ATP2A2: variants seen among roughly 807,000 people sequenced by gnomAD.
The protein encoded by ATP2A2 is sarcoplasmic/endoplasmic reticulum calcium ATPase 2.
A neutral mutation model predicts 109.3 loss-of-function variants in ATP2A2; 14 were observed. The ratio of observed to expected loss-of-function variants is 0.13; its 90% CI spans 0.08 to 0.20. The LOEUF (loss-of-function observed/expected upper bound fraction) is 0.20, where lower values mean the gene tolerates loss of function less well. Among genes scored for constraint, ATP2A2 ranks in the 10% least tolerant of loss-of-function variants. The pLI is 1.00. For missense variants in ATP2A2, 657 were observed against 1,321.6 expected, an observed-to-expected ratio of 0.50 and a Z score of 7.80; for synonymous variants, 506 against 490.9, an observed-to-expected ratio of 1.03 and a Z score of -0.41.
At chr12:110,304,988 G>T (rs185190364) in intron 5 of ATP2A2, among the ~76,000 whole-genome samples, 6 of 151,938 alleles carry the variant, frequency 3.9e-5, no homozygotes, top group African/African-American at 1.4e-4. Context: ...GGAGTGCAGC[G>T]AGTGGCATGA....
At position 110,339,428 on chromosome 12, in the gene ATP2A2, G is replaced by C. The variant is rs374536914; in HGVS notation, c.1542+25G>C. 1.9e-6 allele frequency: 3 copies of C among 1,614,072 alleles called. No individual in the cohort carries two copies. The highest frequency in any genetic ancestry group is 2.7e-5 in the African/African-American group (2 of 74,936). On this transcript the variant is annotated intron_variant, in intron 12 of 19. Transcript: ENST00000539276. This position sits in a 1 kb window ranked among gnomAD's most constrained non-coding sequence, Gnocchi z 4.4. Reference sequence around the variant, plus strand: ...GGCAAGTATGGCAGATTGCAATTGAGATGTTCTTGCCAGGGTTAAGATCCC... The same window carrying C: ...GGCAAGTATGGCAGATTGCAATTGACATGTTCTTGCCAGGGTTAAGATCCC...
At chr12:110,344,774 A>G in intron 16 of ATP2A2, 112 bp from the exon 17 acceptor site, 1 of 1,057,720 alleles carries the variant, frequency 9.5e-7, no homozygotes, top group Non-Finnish European at 1.5e-6. Flanking sequence ...CCCGGTTACC[A>G]TCACTGTCCC....
At chr12:110,309,763 A>G (rs1875801106) in intron 5 of ATP2A2, among the ~76,000 whole-genome samples, 1 of 152,032 alleles carries the variant, frequency 6.6e-6, no homozygotes, top group South Asian at 2.1e-4. Flanking sequence ...AAAATTAGCT[A>G]GGCGTGGTGG....
chr12:110,328,139 C>T (rs1424018997), intron 8 of ATP2A2, 122 bp downstream of exon 8: 6 of 979,194 alleles, frequency 6.1e-6, no homozygotes, highest in Non-Finnish European at 9.2e-6. Flanking sequence ...GTATGTATAG[C>T]CTGAGCTTAA....
intron 3 of ATP2A2, among the ~76,000 whole-genome samples, chr12:110,284,101 T>TA (rs1396054425): frequency 1.1e-4 from 16 of 152,316 alleles, no homozygotes; most frequent in Admixed American, 3.9e-4. Flanking sequence ...AATGGGGACT[T>TA]ACATAGCAAA....
chr12:110,341,915 G>A (rs1050034174), intron 14 of ATP2A2, among the ~76,000 whole-genome samples: 1 of 152,188 alleles, frequency 6.6e-6, no homozygotes, highest in Non-Finnish European at 1.5e-5. Context: ...CTTTCTACTT[G>A]AAATTTATCC....
At chr12:110,345,163 G>T in intron 17 of ATP2A2, 86 bp from the exon 18 acceptor site, 1 of 1,598,912 alleles carries the variant, frequency 6.3e-7, no homozygotes, top group Non-Finnish European at 8.6e-7. Context: ...CATTCAGGCT[G>T]GTCTGTGCTA....
At position 110,350,602 on chromosome 12, in the gene ATP2A2, T is replaced by C; in HGVS notation, c.*4132T>C. The C allele has an allele frequency of 4.2e-6, 2 of 479,616 alleles. No individual in the cohort carries two copies. The highest frequency in any genetic ancestry group is 7.4e-6 in the Non-Finnish European group (2 of 269,466). 29.7% of individuals were successfully genotyped at this position (479,616 alleles called of 1,614,324 possible). A position where few individuals can be genotyped will look rare whatever the true frequency, so the allele number is the denominator to read the frequency against. ...AGGCTCTGTAACCTTATCTAAGAAC[T>C]TGGAAGCCGTCAGCCAAGTCGCCAC... On this transcript the variant is annotated 3_prime_UTR_variant, in exon 20 of 20. Coordinates refer to ENST00000539276, the MANE Select transcript of ATP2A2 (RefSeq NM_170665.4).
intron 5 of ATP2A2, among the ~76,000 whole-genome samples, chr12:110,321,709 A>G (rs571767859): frequency 1.3e-5 from 2 of 151,896 alleles, no homozygotes; most frequent in East Asian, 3.9e-4. Context: ...TGTTGGGATT[A>G]ACGGACAGCT....
At chr12:110,317,941 A>G (rs1876841547) in intron 5 of ATP2A2, among the ~76,000 whole-genome samples, 1 of 152,238 alleles carries the variant, frequency 6.6e-6, no homozygotes, top group Admixed American at 6.5e-5. Flanking sequence ...ATGGAAGGTA[A>G]TTCAGAGTTT....
At position 110,281,752 on chromosome 12, in the gene ATP2A2, C is replaced by G; in HGVS notation, c.-38C>G. The G allele has an allele frequency of 7.0e-7, 1 of 1,422,654 alleles. No homozygotes were observed. Among genetic ancestry groups the G allele is most frequent in the East Asian group, 3.0e-5 (1 of 33,272 alleles). The allele number at this position is 1,422,654 out of a possible 1,614,324, so 88.1% of individuals were successfully genotyped here. A position where few individuals can be genotyped will look rare whatever the true frequency, so the allele number is the denominator to read the frequency against. ...GTGCGAGGCGGAGGCGAGGAGGCCG[C>G]GGGGACGGGAGGCGAGGCCGGCCGG... is the stretch of plus-strand genomic sequence containing the variant. On this transcript the variant is annotated 5_prime_UTR_variant, in exon 1 of 20. Transcript: ENST00000539276.
At chr12:110,318,831 T>C (rs1291329597) in intron 5 of ATP2A2, among the ~76,000 whole-genome samples, 1 of 152,198 alleles carries the variant, frequency 6.6e-6, no homozygotes, top group Non-Finnish European at 1.5e-5. Flanking sequence ...GATCAGTTTC[T>C]AATAGAAGCC....
At chr12:110,296,949 T>C (rs1351146879) in intron 5 of ATP2A2, among the ~76,000 whole-genome samples, 1 of 152,244 alleles carries the variant, frequency 6.6e-6, no homozygotes, top group Non-Finnish European at 1.5e-5. Flanking sequence ...TGGTTTTTGT[T>C]TTTAAACAAG....
intron 5 of ATP2A2, among the ~76,000 whole-genome samples, chr12:110,311,637 G>A (rs1455841181): frequency 3.0e-5 from 4 of 131,720 alleles, no homozygotes; most frequent in African/African-American, 8.4e-5. Flanking sequence ...GGGATTATAA[G>A]TGTGAGCTAT....
chr12:110,298,782 C>G (rs959212423), intron 5 of ATP2A2, among the ~76,000 whole-genome samples: 1 of 152,176 alleles, frequency 6.6e-6, no homozygotes, highest in Non-Finnish European at 1.5e-5. Flanking sequence ...TATTTTTTCA[C>G]TCTGTATACA....
At chr12:110,344,287 T>C (rs1198244283) in intron 16 of ATP2A2, among the ~76,000 whole-genome samples, 1 of 152,184 alleles carries the variant, frequency 6.6e-6, no homozygotes, top group Non-Finnish European at 1.5e-5. Flanking sequence ...GTCTGAACTC[T>C]GTGTATTCTC....
At chr12:110,290,163 C>T (rs978545367) in intron 3 of ATP2A2, among the ~76,000 whole-genome samples, 3 of 152,206 alleles carry the variant, frequency 2.0e-5, no homozygotes, top group Non-Finnish European at 4.4e-5. Flanking sequence ...AAACAGCCTT[C>T]AGTAGTACCA....
rs753239678 is a variant in ATP2A2 at position 110,327,207 on chromosome 12, G to C, written c.631-346G>C. 6.6e-6 allele frequency among the ~76,000 whole-genome samples: 1 copy of C among 152,160 alleles called. No homozygotes were observed. The highest frequency in any genetic ancestry group is 2.1e-4 in the South Asian group (1 of 4,826). On this transcript the variant is annotated intron_variant, in intron 7 of 19. Coordinates refer to ENST00000539276, the MANE Select transcript of ATP2A2 (RefSeq NM_170665.4). The surrounding 1 kb of genome is among the most constrained non-coding windows in gnomAD (Gnocchi z 4.4). The stretch of plus-strand genomic sequence containing the variant: ...CGTTTCTATTACAGTGAGAAAAGTA[G>C]GGGCCTTGAGTTGTTGGAGCCAGAA...
At chr12:110,283,753 T>C (rs962255243) in intron 3 of ATP2A2, among the ~76,000 whole-genome samples, 1 of 152,190 alleles carries the variant, frequency 6.6e-6, no homozygotes, top group South Asian at 2.1e-4. Flanking sequence ...TACTTCTTTC[T>C]AGTTAAAACA....
Sources: allele counts gnomAD v4.1 joint callset (sites outside exome capture counted in the v4.1 genomes callset), GRCh38; gene constraint gnomAD v4.1.1; non-coding constraint Gnocchi (gnomAD v3.1); transcripts MANE v1.5; gene names NCBI Gene and HGNC (gene_info 2026-07-23, HGNC 2026-07-21).